The following ACTN2 variants were observed in gnomAD, a reference collection of about 807,000 sequenced individuals.
ACTN2 encodes the protein actinin alpha 2.
ACTN2 carries 39 observed loss-of-function variants against 113.8 expected under a neutral mutation model. The observed-to-expected ratio is 0.34, with a 90% CI of 0.27 to 0.45. The LOEUF (loss-of-function observed/expected upper bound fraction) is 0.45. Ranked by LOEUF, ACTN2 falls within the 20% of genes least tolerant of loss-of-function variation. ACTN2 has a pLI of 1.00. For missense variants in ACTN2, 992 were observed against 1,177.9 expected, an observed-to-expected ratio of 0.84 and a Z score of 2.31; for synonymous variants, 429 against 444.1, an observed-to-expected ratio of 0.97 and a Z score of 0.43.
At chr1:236,686,932 C>A in intron 1 of ACTN2, 133 bp downstream of exon 1, 2 of 1,070,930 alleles carry the variant, frequency 1.9e-6, no homozygotes, top group Non-Finnish European at 2.4e-6. Context: ...CCTGTGCCCT[C>A]GCAGCCCCGG....
chr1:236,689,983 G>A (rs748682401), intron 1 of ACTN2, among the ~76,000 whole-genome samples: 1 of 152,224 alleles, frequency 6.6e-6, no homozygotes. Context: ...CACGAAATAT[G>A]TGTCGATACG....
intron 20 of ACTN2, 131 bp from the exon 21 acceptor site, chr1:236,762,330 A>G: frequency 8.1e-7 from 1 of 1,235,778 alleles, no homozygotes; most frequent in South Asian, 1.3e-5. Context: ...TGGTACTACT[A>G]TGCCAATAGA....
chr1:236,737,545 C>CT (rs1658926104), intron 9 of ACTN2, among the ~76,000 whole-genome samples: 1 of 104,410 alleles, frequency 9.6e-6, no homozygotes, highest in South Asian at 3.0e-4. Flanking sequence ...CCTTGGGTTA[C>CT]TTGTTTTTTT....
At chr1:236,687,115 G>A (rs1010463912) in intron 1 of ACTN2, among the ~76,000 whole-genome samples, 5 of 152,078 alleles carry the variant, frequency 3.3e-5, no homozygotes, top group Non-Finnish European at 4.4e-5. Context: ...TTGAGTCTGT[G>A]ACCTTGGCCC....
chr1:236,712,611 A>G (rs1658060767), intron 1 of ACTN2, among the ~76,000 whole-genome samples: 1 of 152,154 alleles, frequency 6.6e-6, no homozygotes, highest in Admixed American at 6.6e-5. Flanking sequence ...GTGAGCCATG[A>G]TAGCACCACT....
intron 1 of ACTN2, among the ~76,000 whole-genome samples, chr1:236,703,381 G>A (rs929724368): frequency 6.7e-6 from 1 of 148,784 alleles, no homozygotes; most frequent in African/African-American, 2.5e-5. Flanking sequence ...AAATCTTGAA[G>A]CTCAAATGAC....
At chr1:236,721,028 T>TG (rs1658376313) in intron 4 of ACTN2, among the ~76,000 whole-genome samples, 1 of 99,980 alleles carries the variant, frequency 1.0e-5, no homozygotes, top group Non-Finnish European at 2.1e-5. Context: ...TTTTGTTTTT[T>TG]TTTTTTTTTT....
chr1:236,740,104 CCACT>C (rs758115413), intron 10 of ACTN2, among the ~76,000 whole-genome samples: 2 of 152,060 alleles, frequency 1.3e-5, no homozygotes, highest in African/African-American at 2.4e-5. Context: ...CGCTCCCTCC[CCACT>C]CACTCACTCA....
chr1:236,755,649 C>G (rs144867396), intron 17 of ACTN2, among the ~76,000 whole-genome samples: 1 of 145,760 alleles, frequency 6.9e-6, no homozygotes, highest in African/African-American at 2.6e-5. Flanking sequence ...GCAGAGTGCC[C>G]ACTGCCACCG....
intron 4 of ACTN2, among the ~76,000 whole-genome samples, chr1:236,721,463 G>C (rs993082618): frequency 1.3e-5 from 2 of 152,056 alleles, no homozygotes; most frequent in Non-Finnish European, 2.9e-5. Flanking sequence ...TGGCACCGGA[G>C]ACCGACTTAT....
chr1:236,690,916 T>TC (rs1400174710), intron 1 of ACTN2, among the ~76,000 whole-genome samples: 3 of 149,190 alleles, frequency 2.0e-5, no homozygotes, highest in Non-Finnish European at 3.0e-5. Context: ...AGCTTCCCAT[T>TC]CCCCCCTCCT....
rs1657454407 is a variant in ACTN2, at chr1:236,695,260, C to T, written c.126+8461C>T. On this transcript the variant is annotated intron_variant, in intron 1 of 20. Coordinates refer to ENST00000366578, the MANE Select transcript of ACTN2 (RefSeq NM_001103.4). ...GGGTATGGTGATGTCTGCCCATAATCCCAGCCACTTGGGAGGCTGAGGCAT... is the reference window on the plus strand; with the variant it reads ...GGGTATGGTGATGTCTGCCCATAATTCCAGCCACTTGGGAGGCTGAGGCAT... Among the ~76,000 whole-genome samples, 3 of 149,804 alleles carry T rather than the reference C, an allele frequency of 2.0e-5. No individual in the cohort carries two copies. The South Asian group carries it at 6.4e-4, about 32-fold the overall frequency.
chr1:236,716,920 C>T (rs991547188), intron 1 of ACTN2, among the ~76,000 whole-genome samples: 18 of 150,304 alleles, frequency 1.2e-4, no homozygotes, highest in Admixed American at 2.0e-4. Context: ...CTGCAACCTC[C>T]GCCTCCTGGT....
chr1:236,695,797 G>A (rs1657481679), intron 1 of ACTN2, among the ~76,000 whole-genome samples: 1 of 152,258 alleles, frequency 6.6e-6, no homozygotes, highest in Non-Finnish European at 1.5e-5. Context: ...TACATGCCAA[G>A]CCCTAGACCA....
intron 1 of ACTN2, among the ~76,000 whole-genome samples, chr1:236,696,519 G>A (rs1657505806): frequency 6.6e-6 from 1 of 152,068 alleles, no homozygotes; most frequent in Admixed American, 6.6e-5. Flanking sequence ...TTAGAAGGTA[G>A]GTAATCTCAT....
chr1:236,704,725 C>T (rs116124707), intron 1 of ACTN2, among the ~76,000 whole-genome samples: 201 of 152,322 alleles, frequency 1.3e-3, no homozygotes, highest in African/African-American at 4.5e-3. Context: ...GCAGGTCGCC[C>T]TCCAGGAACC....
chr1:236,709,244 A>ATC (rs1657929406), intron 1 of ACTN2, among the ~76,000 whole-genome samples: 1 of 91,272 alleles, frequency 1.1e-5, no homozygotes, highest in Non-Finnish European at 2.5e-5. Flanking sequence ...ATATATATAT[A>ATC]TATATATATA....
intron 12 of ACTN2, among the ~76,000 whole-genome samples, chr1:236,746,165 C>CAAAAAA (rs55953102): frequency 3.2e-4 from 26 of 80,404 alleles, no homozygotes; most frequent in East Asian, 1.0e-3. Flanking sequence ...GACTCCATCT[C>CAAAAAA]AAAAAAAAAA....
chr1:236,695,492 T>A (rs569385220), intron 1 of ACTN2, among the ~76,000 whole-genome samples: 5 of 150,402 alleles, frequency 3.3e-5, no homozygotes, highest in Admixed American at 3.3e-4. Context: ...GATTTATGTA[T>A]ATCATAATAA....
Sources: gnomAD v4.1 joint callset for allele counts (sites outside exome capture counted in the v4.1 genomes callset) on GRCh38, gnomAD v4.1.1 for gene constraint, MANE v1.5 for transcripts, NCBI Gene and HGNC (gene_info 2026-07-23, HGNC 2026-07-21) for gene names.